The following AGRN variants were observed in gnomAD, a reference collection of about 807,000 sequenced individuals.
AGRN encodes the protein agrin proteoglycan.
AGRN carries 106 observed loss-of-function variants against 211.0 expected under a neutral mutation model. The observed-to-expected ratio is 0.50, with a 90% CI of 0.43 to 0.59. The LOEUF (loss-of-function observed/expected upper bound fraction) is 0.59, where lower values mean the gene tolerates loss of function less well. Among genes scored for constraint, AGRN ranks in the 20% least tolerant of loss-of-function variants. The probability of loss-of-function intolerance (pLI) is 0.00; values close to 1 mark genes in which losing one functional copy is unlikely to be tolerated. For missense variants in AGRN, 3,040 were observed against 2,982.6 expected (o/e 1.02, Z -0.45); for synonymous variants, 1,525 against 1,332.5 (o/e 1.14, Z -3.15).
At position 1,042,086 on chromosome 1, in the gene AGRN, T is replaced by C. The variant is rs1296213628; in HGVS notation, c.1308T>C (p.Tyr436=). The change falls in exon 7 of 36, where the codon TAT becomes TAC. Residue 436 remains tyrosine, a synonymous_variant. Coordinates refer to ENST00000379370, the MANE Select transcript of AGRN (RefSeq NM_198576.4). ...TGTGTGCCCAGGACGGGCGCACGTA[T>C]GACAGTGATTGCTGGCGGCAGCAGG... The part of the protein sequence containing the change: ...RPVCAQDGRT[Y]DSDCWRQQAE... 2 of 1,604,830 alleles carry C rather than the reference T, an allele frequency of 1.2e-6. No homozygotes were observed. The highest frequency in any genetic ancestry group is 1.7e-6 in the Non-Finnish European group (2 of 1,178,908).
intron 19 of AGRN, 103 bp from the exon 20 acceptor site, chr1:1,047,224 C>T: frequency 1.3e-6 from 2 of 1,509,210 alleles, no homozygotes; most frequent in South Asian, 1.4e-5. Context: ...GACTAACATC[C>T]ACCTTCCCTT....
rs1173806573 is a variant in AGRN at position 1,045,446 on chromosome 1, G to A, written c.2459G>A (p.Gly820Asp). The A allele has an allele frequency of 6.2e-7, 1 of 1,612,584 alleles. No individual in the cohort carries two copies. The highest frequency in any genetic ancestry group is 1.1e-5 in the South Asian group (1 of 91,076). The change falls in exon 14 of 36, where the codon GGC becomes GAC. Residue 820 changes from glycine (G) to aspartate (D), a missense_variant. Around this residue, in one of 3 missense-constraint regions of AGRN, gnomAD observed 1,498 missense variants for 1,457.8 expected, o/e 1.03. Transcript: ENST00000379370. ...GQCSCRPGVG[G>D]LRCDRCEPGF... The stretch of plus-strand genomic sequence containing the variant: ...TGCTCCTGCCGCCCAGGTGTGGGGG[G>A]CCTCAGGTGTGACCGCTGTGAGCCT...
In AGRN at chr1:1,049,343, C is replaced by T. The variant is rs200646795; in HGVS notation, c.4406C>T (p.Ser1469Leu). ...LSRHWRRGTL[S>L]VDGETPVLGE... ...CGGCACTGGCGCCGGGGCACCCTCT[C>T]GGTGGATGGTGAGACCCCTGTTCTG... The change falls in exon 25 of 36, where the codon TCG becomes TTG. Residue 1469 changes from serine to leucine, a missense_variant. By Grantham distance (145) the Ser-to-Leu change is moderately radical. Around this residue, in one of 3 missense-constraint regions of AGRN, gnomAD observed 1,537 missense variants for 1,505.0 expected, o/e 1.02. Coordinates refer to ENST00000379370, the MANE Select transcript of AGRN (RefSeq NM_198576.4). 278 of 1,598,044 alleles carry T rather than the reference C, an allele frequency of 1.7e-4. No individual in the cohort carries two copies. The highest frequency in any genetic ancestry group is 2.6e-4 in the South Asian group (24 of 90,866).
chr1:1,047,871 G>A lies in AGRN; in HGVS notation c.3727G>A (p.Glu1243Lys), dbSNP rs773267614. Residue 1243 changes from glutamate to lysine, a missense_variant, in exon 22 of 36, where the codon GAG becomes AAG. Transcript: ENST00000379370. ...CTTGGGGGTGAGGCGGCCGCTGCAG[G>A]AGCACGTGCGATTTATGGACTTTGG... is the stretch of plus-strand genomic sequence containing the variant. ...RSLGVRRPLQ[E>K]HVRFMDFDWF... is the part of the protein sequence containing the mutation. The A allele has an allele frequency of 5.0e-5, 81 of 1,605,722 alleles. No individual in the cohort carries two copies. Among genetic ancestry groups the A allele is most frequent in the Non-Finnish European group, 6.7e-5 (79 of 1,177,122 alleles).
intron 2 of AGRN, among the ~76,000 whole-genome samples, chr1:1,024,107 G>C (rs1048246133): frequency 6.6e-6 from 1 of 152,106 alleles, no homozygotes; most frequent in Admixed American, 6.5e-5. Context: ...CATGAGGAGT[G>C]GGGGAGCCCA....
At chr1:1,045,571 G>A (rs779866640) in intron 14 of AGRN, 48 bp downstream of exon 14, 1 of 1,607,410 alleles carries the variant, frequency 6.2e-7, no homozygotes, top group Non-Finnish European at 8.5e-7. Context: ...CCTCCTACCT[G>A]TTCACCCCCA....
Position 1,041,417 on chromosome 1 carries a change from C to T in AGRN, c.952+20C>T, listed in dbSNP as rs749460152. On this transcript the variant is annotated intron_variant, in intron 5 of 35. Coordinates refer to ENST00000379370, the MANE Select transcript of AGRN (RefSeq NM_198576.4). Reference sequence around the variant, plus strand: ...CTTGTGGTGAGCGCGGCGGCGGGCGCACGGCTCGAGCTCTGTGGGCGCGCG... The same window carrying T: ...CTTGTGGTGAGCGCGGCGGCGGGCGTACGGCTCGAGCTCTGTGGGCGCGCG... 6 of 1,544,018 alleles carry T rather than the reference C, an allele frequency of 3.9e-6. No homozygotes were observed. The East Asian group carries it at 9.6e-5, about 25-fold the overall frequency.
intron 2 of AGRN, among the ~76,000 whole-genome samples, chr1:1,027,539 C>T (rs376501315): frequency 2.6e-5 from 4 of 152,218 alleles, no homozygotes; most frequent in Admixed American, 6.5e-5. Context: ...CACGCTGCCC[C>T]GTGTCTGGCA....
rs1490186105 is a variant in AGRN, at chr1:1,051,470, C to A, written c.5388C>A (p.Arg1796=). Residue 1796 remains arginine (R), a synonymous_variant, in exon 32 of 36, where the codon CGC becomes CGA. Coordinates refer to ENST00000379370, the MANE Select transcript of AGRN (RefSeq NM_198576.4). ...CCCTGCAGGTCTCCCTCGGAGGCCG[C>A]CAGCTGCTGACCCCGGAGCACGTGC... ...GAIQLVSLGG[R]QLLTPEHVLR... 1 of 1,564,488 alleles carries A rather than the reference C, an allele frequency of 6.4e-7. No individual in the cohort carries two copies. Among genetic ancestry groups the A allele is most frequent in the Non-Finnish European group, 8.6e-7 (1 of 1,159,598 alleles).
At position 1,046,656 on chromosome 1, in the gene AGRN, T is replaced by C; in HGVS notation, c.3171T>C (p.Phe1057=). ...SPAPSLVASA[F]GESGSTDGSS... ...CACCCAGCCTGGTGGCGTCCGCCTT[T>C]GGTGAATCTGGCAGCACTGATGGAA... Residue 1057 remains phenylalanine, a synonymous_variant, in exon 18 of 36, where the codon TTT becomes TTC. Coordinates refer to ENST00000379370, the MANE Select transcript of AGRN (RefSeq NM_198576.4). The C allele has an allele frequency of 6.3e-7, 1 of 1,594,536 alleles. No individual in the cohort carries two copies. Among genetic ancestry groups the C allele is most frequent in the Non-Finnish European group, 8.5e-7 (1 of 1,176,268 alleles).
At chr1:1,029,705 A>T (rs1163148551) in intron 2 of AGRN, among the ~76,000 whole-genome samples, 85 of 63,996 alleles carry the variant, frequency 1.3e-3, no homozygotes, top group Middle Eastern at 0.011. Context: ...TGGTGCTGTG[A>T]GATCATGTGT....
Position 1,032,767 on chromosome 1 carries a change from G to A in AGRN, c.464-2510G>A, listed in dbSNP as rs1644700364. ...GGGGTCGGTCATTGCAGGGACAGAG[G>A]AGAGGGCAGGGTAATGGGTGCGCAG... On this transcript the variant is annotated intron_variant, in intron 2 of 35. Transcript: ENST00000379370. This position sits in a 1 kb window ranked among gnomAD's most constrained non-coding sequence, Gnocchi z 4.7. 6.6e-6 allele frequency among the ~76,000 whole-genome samples: 1 copy of A among 152,350 alleles called. No individual in the cohort carries two copies. Among genetic ancestry groups the A allele is most frequent in the Non-Finnish European group, 1.5e-5 (1 of 68,020 alleles).
chr1:1,048,982 G>T lies in AGRN; in HGVS notation c.4221G>T (p.Gly1407=). ...AATTCCGGGCGCTGGAGCCTCAGGG[G>T]CTGCTGCTGTACAATGGCAACGCCC... ...ALEFRALEPQ[G]LLLYNGNARG... Residue 1407 remains glycine, a synonymous_variant, in exon 24 of 36, where the codon GGG becomes GGT. Transcript: ENST00000379370. This position sits in a 1 kb window ranked among gnomAD's most constrained non-coding sequence, Gnocchi z 5.9. 2 of 1,578,422 alleles carry T rather than the reference G, an allele frequency of 1.3e-6. No homozygotes were observed. The highest frequency in any genetic ancestry group is 2.3e-5 in the East Asian group (1 of 43,090).
At chr1:1,035,234 G>T in intron 2 of AGRN, 43 bp from the exon 3 acceptor site, 1 of 1,608,654 alleles carries the variant, frequency 6.2e-7, no homozygotes, top group Non-Finnish European at 8.5e-7. Flanking sequence ...ACAGGGAGGA[G>T]CCTGCTCAGA....
chr1:1,041,766 G>T lies in AGRN; in HGVS notation c.1177+64G>T, dbSNP rs1319486241. 16 of 1,401,248 alleles carry T rather than the reference G, an allele frequency of 1.1e-5. No individual in the cohort carries two copies. In the African/African-American group the frequency reaches 2.2e-4, roughly 19 times the overall value. 86.8% of individuals were successfully genotyped at this position (1,401,248 alleles called of 1,614,324 possible). ...AGGGTCGAGGTGGGCGGCTCCCCCGGGGGAGGGCTCCGGCCAGTGCCAGGG... is the reference window on the plus strand; with the variant it reads ...AGGGTCGAGGTGGGCGGCTCCCCCGTGGGAGGGCTCCGGCCAGTGCCAGGG... On this transcript the variant is annotated intron_variant, in intron 6 of 35. Transcript: ENST00000379370.
rs759762952 is a variant in AGRN, at chr1:1,043,942, G to A, written c.1918G>A (p.Gly640Ser). The A allele has an allele frequency of 7.3e-5, 118 of 1,607,550 alleles. 1 individual carries two copies. Among genetic ancestry groups the A allele is most frequent in the South Asian group, 6.1e-4 (55 of 90,876 alleles). The change falls in exon 10 of 36, where the codon GGC becomes AGC. Residue 640 changes from glycine to serine, a missense_variant. Around this residue, in one of 3 missense-constraint regions of AGRN, gnomAD observed 1,498 missense variants for 1,457.8 expected, o/e 1.03. Coordinates refer to ENST00000379370, the MANE Select transcript of AGRN (RefSeq NM_198576.4). Reference sequence around the variant, plus strand: ...GTGTGGCAGCGACGGTGTCACCTACGGCAGTGCCTGCGAGCTACGGGAAGC... The same window carrying A: ...GTGTGGCAGCGACGGTGTCACCTACAGCAGTGCCTGCGAGCTACGGGAAGC... The part of the protein sequence containing the change: ...PVCGSDGVTY[G>S]SACELREAAC...
intron 2 of AGRN, among the ~76,000 whole-genome samples, chr1:1,028,012 C>T (rs1644556908): frequency 6.6e-6 from 1 of 152,202 alleles, no homozygotes; most frequent in Admixed American, 6.5e-5. Context: ...CTTCTCTCCC[C>T]AGGGGAGGCT....
chr1:1,033,316 C>T (rs1644714621), intron 2 of AGRN, among the ~76,000 whole-genome samples: 1 of 151,998 alleles, frequency 6.6e-6, no homozygotes, highest in African/African-American at 2.4e-5. Flanking sequence ...CCTCCCCCAC[C>T]TACGCCCCGC....
chr1:1,053,926 G>C lies in AGRN; in HGVS notation c.5825G>C (p.Arg1942Pro). Reference sequence around the variant, plus strand: ...CTGGGCTCCCAGCCCGTGGTGCTGCGTTCCACCGTGCCCGTCAACACCAAC... The same window carrying C: ...CTGGGCTCCCAGCCCGTGGTGCTGCCTTCCACCGTGCCCGTCAACACCAAC... ...YNLGSQPVVL[R>P]STVPVNTNRW... Residue 1942 changes from arginine to proline, a missense_variant, in exon 34 of 36, where the codon CGT becomes CCT. Physicochemically the swap from Arg to Pro is moderately radical, Grantham distance 103 (BLOSUM62 -2). Around this residue, in one of 3 missense-constraint regions of AGRN, gnomAD observed 1,537 missense variants for 1,505.0 expected, o/e 1.02. Transcript: ENST00000379370. The C allele has an allele frequency of 6.2e-7, 1 of 1,605,648 alleles. No individual in the cohort carries two copies. Among genetic ancestry groups the C allele is most frequent in the Non-Finnish European group, 8.5e-7 (1 of 1,176,936 alleles).
Sources: allele counts gnomAD v4.1 joint callset (sites outside exome capture counted in the v4.1 genomes callset), GRCh38; gene constraint gnomAD v4.1.1; regional missense constraint gnomAD v4.1.1; non-coding constraint Gnocchi (gnomAD v3.1); transcripts MANE v1.5; gene names NCBI Gene and HGNC (gene_info 2026-07-23, HGNC 2026-07-21).